The following SIPA1L2 variants were observed in gnomAD, a reference collection of about 807,000 sequenced individuals.
SIPA1L2 encodes signal induced proliferation associated 1 like 2.
In SIPA1L2, 56 loss-of-function variants were observed where a neutral mutation model predicts 163.9. The observed-to-expected ratio is 0.34, with a 90% CI of 0.28 to 0.43. The LOEUF (loss-of-function observed/expected upper bound fraction) is 0.43, where lower values mean the gene tolerates loss of function less well. Among genes scored for constraint, SIPA1L2 ranks in the 20% least tolerant of loss-of-function variants. SIPA1L2 has a pLI of 1.00. For synonymous variants in SIPA1L2, 877 were observed against 865.7 expected (o/e 1.01, Z -0.23); for missense variants, 1,974 against 2,193.5 (o/e 0.90, Z 2.00).
intron 1 of SIPA1L2, among the ~76,000 whole-genome samples, chr1:232,604,640 C>T (rs910256246): frequency 1.3e-5 from 2 of 152,160 alleles, no homozygotes; most frequent in Admixed American, 6.5e-5. Context: ...GGATCTGTGT[C>T]CCCACCCAAA....
chr1:232,605,480 C>T (rs973631057), intron 1 of SIPA1L2, among the ~76,000 whole-genome samples: 10 of 152,130 alleles, frequency 6.6e-5, no homozygotes, highest in African/African-American at 2.4e-4. Context: ...GGATCACCTG[C>T]GGTCAGGAAT....
Position 232,514,191 on chromosome 1 carries a change from G to C in SIPA1L2, c.1149C>G (p.Ser383Arg). ...TCTCTTTGGAGTTGAGGTCCTCCTT[G>C]CTCCCTAAAGGGGACTCACAGTTGC... ...QTGNCESPLG[S>R]KEDLNSKENL... Residue 383 changes from serine (S) to arginine (R), a missense_variant, in exon 3 of 23, where the codon AGC becomes AGG. Physicochemically the swap from Ser to Arg is moderately radical, Grantham distance 110. This residue lies in a region of SIPA1L2 where 607 missense variants were observed against 624.0 expected (regional missense o/e 0.97). Coordinates refer to ENST00000674635, the MANE Select transcript of SIPA1L2 (RefSeq NM_020808.5). 6.2e-7 allele frequency: 1 copy of C among 1,614,194 alleles called. No homozygotes were observed. Among genetic ancestry groups the C allele is most frequent in the African/African-American group, 1.3e-5 (1 of 75,054 alleles).
chr1:232,423,713 C>T (rs913557254), intron 18 of SIPA1L2, among the ~76,000 whole-genome samples: 8 of 152,054 alleles, frequency 5.3e-5, no homozygotes, highest in African/African-American at 1.7e-4. Context: ...CCTAATTGTG[C>T]CTTTGAACAC....
intron 18 of SIPA1L2, among the ~76,000 whole-genome samples, chr1:232,423,070 G>A (rs1661668800): frequency 6.6e-6 from 1 of 152,136 alleles, no homozygotes; most frequent in African/African-American, 2.4e-5. Context: ...TGCTGAACTG[G>A]CAGTGAGTCA....
chr1:232,458,826 A>T (rs1033474110), intron 10 of SIPA1L2, among the ~76,000 whole-genome samples: 2 of 152,184 alleles, frequency 1.3e-5, no homozygotes, highest in Non-Finnish European at 2.9e-5. Flanking sequence ...GCCTTTTGTT[A>T]TTTCCAAGAC....
intron 1 of SIPA1L2, among the ~76,000 whole-genome samples, chr1:232,588,549 C>A (rs1359805349): frequency 6.6e-6 from 1 of 152,120 alleles, no homozygotes; most frequent in Non-Finnish European, 1.5e-5. Flanking sequence ...TTTTAAAGTT[C>A]ATAGATAGGG....
chr1:232,619,893 A>AT (rs111286928), intron 1 of SIPA1L2, among the ~76,000 whole-genome samples: 32,564 of 150,628 alleles, frequency 0.22, 3,863 homozygotes, highest in East Asian at 0.36. Flanking sequence ...CTCCAAATAG[A>AT]TTTTTTTTTT....
chr1:232,399,475 C>G (rs755642257), intron 22 of SIPA1L2, among the ~76,000 whole-genome samples: 2 of 151,818 alleles, frequency 1.3e-5, no homozygotes, highest in African/African-American at 2.4e-5. Flanking sequence ...CTCCACACAC[C>G]CTGTTCTTTC....
At chr1:232,544,654 A>T (rs1316587186) in intron 2 of SIPA1L2, among the ~76,000 whole-genome samples, 6 of 152,200 alleles carry the variant, frequency 3.9e-5, no homozygotes, top group Admixed American at 3.9e-4. Flanking sequence ...GGTCAAAGTG[A>T]TTAAGAAATG....
chr1:232,492,113 CACTT>C (rs1419843502), intron 4 of SIPA1L2, among the ~76,000 whole-genome samples: 1 of 152,076 alleles, frequency 6.6e-6, no homozygotes, highest in African/African-American at 2.4e-5. Flanking sequence ...GGCTTTATCT[CACTT>C]ATACCTAGAA....
intron 18 of SIPA1L2, among the ~76,000 whole-genome samples, chr1:232,418,239 G>A (rs1278209509): frequency 6.6e-6 from 1 of 152,158 alleles, no homozygotes; most frequent in Non-Finnish European, 1.5e-5. Flanking sequence ...GTAGACAAGA[G>A]GGGTAAAATG....
At chr1:232,459,567 C>G (rs1406342189) in intron 10 of SIPA1L2, among the ~76,000 whole-genome samples, 1 of 152,116 alleles carries the variant, frequency 6.6e-6, no homozygotes, top group African/African-American at 2.4e-5. Context: ...TGCTGGCGTA[C>G]AGAGGCACGA....
At chr1:232,491,542 A>G (rs1665930125) in intron 4 of SIPA1L2, among the ~76,000 whole-genome samples, 1 of 152,070 alleles carries the variant, frequency 6.6e-6, no homozygotes, top group Non-Finnish European at 1.5e-5. Context: ...TGAACAGGGG[A>G]GCAGCAGCCA....
intron 9 of SIPA1L2, chr1:232,462,504 CT>C (rs1276493700): frequency 1.4e-5 from 10 of 712,212 alleles, no homozygotes; most frequent in Non-Finnish European, 2.1e-5. Context: ...TGCCAATCAG[CT>C]TTTCCCAGAC....
intron 15 of SIPA1L2, among the ~76,000 whole-genome samples, chr1:232,435,391 T>G (rs113326542): frequency 0.013 from 1,974 of 152,326 alleles, 42 homozygotes; most frequent in African/African-American, 0.045. Context: ...CAATGTGGCA[T>G]AATTCCTTGT....
intron 18 of SIPA1L2, among the ~76,000 whole-genome samples, chr1:232,425,137 G>A (rs183707856): frequency 6.1e-4 from 93 of 152,256 alleles, no homozygotes; most frequent in Non-Finnish European, 1.1e-3. Flanking sequence ...GGTCTCCCGA[G>A]GCACACGTGC....
intron 1 of SIPA1L2, among the ~76,000 whole-genome samples, chr1:232,599,612 G>A (rs1458555482): frequency 6.6e-6 from 1 of 152,194 alleles, no homozygotes; most frequent in African/African-American, 2.4e-5. Context: ...AAGTTCTGGT[G>A]AGTTTTGGTG....
intron 19 of SIPA1L2, among the ~76,000 whole-genome samples, chr1:232,407,342 T>C (rs1241846728): frequency 2.0e-5 from 3 of 152,218 alleles, no homozygotes; most frequent in Non-Finnish European, 4.4e-5. Flanking sequence ...TATACTTATA[T>C]ACACACACTC....
intron 2 of SIPA1L2, among the ~76,000 whole-genome samples, chr1:232,572,706 T>TACACACATATATACATAC (rs1558277255): frequency 1.3e-5 from 1 of 77,476 alleles, no homozygotes; most frequent in Non-Finnish European, 2.9e-5. Flanking sequence ...TATATATATA[T>TACACACATATATACATAC]ATATATATAT....
Sources: gnomAD v4.1 joint callset for allele counts (sites outside exome capture counted in the v4.1 genomes callset) on GRCh38, gnomAD v4.1.1 for gene constraint, gnomAD v4.1.1 regional missense constraint, MANE v1.5 for transcripts, NCBI Gene and HGNC (gene_info 2026-07-23, HGNC 2026-07-21) for gene names.